The following SLCO5A1 variants were observed in gnomAD, a reference collection of about 807,000 sequenced individuals.
SLCO5A1 encodes solute carrier organic anion transporter family member 5A1.
A neutral mutation model predicts 65.1 loss-of-function variants in SLCO5A1; 39 were observed. That is an observed-to-expected ratio of 0.60 (90% confidence interval 0.46 to 0.78). The LOEUF is 0.78. Among genes scored for constraint, SLCO5A1 ranks in the 30% least tolerant of loss-of-function variants. The probability of loss-of-function intolerance (pLI) is 0.00; values close to 1 mark genes in which losing one functional copy is unlikely to be tolerated. For synonymous variants in SLCO5A1, 438 were observed against 415.7 expected, an observed-to-expected ratio of 1.05 and a Z score of -0.65; for missense variants, 1,029 against 1,069.4, an observed-to-expected ratio of 0.96 and a Z score of 0.53.
In SLCO5A1 at chr8:69,719,599, G is replaced by T. The variant is rs57513091; in HGVS notation, c.1424-14370C>A. The T allele has an allele frequency of 2.6e-5, 4 of 152,144 alleles. 1 individual carries two copies. In the East Asian group the frequency reaches 5.8e-4, roughly 22 times the overall value. The allele number at this position is 152,144 out of a possible 1,614,324, so 9.4% of individuals were successfully genotyped here. On this transcript the variant is annotated intron_variant, in intron 5 of 9. Transcript: ENST00000260126. Reference sequence around the variant, plus strand: ...TAAAAAGAATTTAAGTAGCCCCCCCGAAGTTAAAATTGGAAGAGAATATTA... The same window carrying T: ...TAAAAAGAATTTAAGTAGCCCCCCCTAAGTTAAAATTGGAAGAGAATATTA...
Position 69,673,015 on chromosome 8 carries a change from G to A in SLCO5A1, c.2401C>T (p.Gln801Ter), listed in dbSNP as rs374822545. 8.1e-6 allele frequency: 13 copies of A among 1,614,080 alleles called. No homozygotes were observed. Among genetic ancestry groups the A allele is most frequent in the Non-Finnish European group, 7.6e-6 (9 of 1,180,042 alleles). ...CCAGTCTCTTCGTGGAATTCTCCCT[G>A]GGTGCTGAAAGCTGGGCAAGATCTA... is the stretch of plus-strand genomic sequence containing the variant. Reference protein sequence around the residue: ...RTRSCPAFSTQGEFHEETGLQ... With the variant: ...RTRSCPAFST The change falls in exon 10 of 10, where the codon CAG becomes TAG. Residue 801 changes from glutamine to a stop codon, truncating the protein, a stop_gained. Coordinates refer to ENST00000260126, the MANE Select transcript of SLCO5A1 (RefSeq NM_030958.3). LOFTEE classifies it high-confidence loss of function.
intron 2 of SLCO5A1, among the ~76,000 whole-genome samples, chr8:69,818,949 C>T (rs1306366870): frequency 6.6e-6 from 1 of 152,150 alleles, no homozygotes; most frequent in Non-Finnish European, 1.5e-5. Flanking sequence ...ATCATTCAGC[C>T]TCATGTTAGT....
chr8:69,810,456 A>G (rs180961029), intron 2 of SLCO5A1, among the ~76,000 whole-genome samples: 287 of 152,314 alleles, frequency 1.9e-3, no homozygotes, highest in Admixed American at 3.6e-3. Context: ...TCCAGCTCCC[A>G]CAGTAAAGAC....
At position 69,803,043 on chromosome 8, in the gene SLCO5A1, T is replaced by A. The variant is rs370147770; in HGVS notation, c.907+28724A>T. 2.0e-5 allele frequency among the ~76,000 whole-genome samples: 3 copies of A among 152,268 alleles called. No individual in the cohort carries two copies. In the East Asian group the frequency reaches 5.8e-4, roughly 29 times the overall value. On this transcript the variant is annotated intron_variant, in intron 2 of 9. Coordinates refer to ENST00000260126, the MANE Select transcript of SLCO5A1 (RefSeq NM_030958.3). ...TCATGTTCTATAGAACATACAGTATTATTGGCTGGGCGCAGTGTCTCAAAG... is the reference window on the plus strand; with the variant it reads ...TCATGTTCTATAGAACATACAGTATAATTGGCTGGGCGCAGTGTCTCAAAG...
chr8:69,705,250 G>C (rs1250834876), intron 5 of SLCO5A1, 21 bp from the exon 6 acceptor site: 15 of 1,606,762 alleles, frequency 9.3e-6, no homozygotes, highest in Non-Finnish European at 1.2e-5. Flanking sequence ...GAGAAGGAGA[G>C]GATTAATTTG....
At chr8:69,814,616 A>G (rs1385848776) in intron 2 of SLCO5A1, among the ~76,000 whole-genome samples, 1 of 152,202 alleles carries the variant, frequency 6.6e-6, no homozygotes, top group African/African-American at 2.4e-5. Context: ...AAGAACTAAA[A>G]ATAGAATTAC....
chr8:69,794,421 A>C (rs1819400533), intron 2 of SLCO5A1: 1 of 451,188 alleles, frequency 2.2e-6, no homozygotes, highest in African/African-American at 2.0e-5. Flanking sequence ...CCAAGGACTA[A>C]GAAGGACTTC....
At chr8:69,696,923 G>C (rs1212199459) in intron 6 of SLCO5A1, among the ~76,000 whole-genome samples, 1 of 151,990 alleles carries the variant, frequency 6.6e-6, no homozygotes, top group Non-Finnish European at 1.5e-5. Flanking sequence ...TGTACATAAA[G>C]ATAGAAAACA....
At chr8:69,783,122 ATTG>A (rs551426346) in intron 2 of SLCO5A1, among the ~76,000 whole-genome samples, 1 of 152,174 alleles carries the variant, frequency 6.6e-6, no homozygotes, top group Non-Finnish European at 1.5e-5. Flanking sequence ...AATGATCATT[ATTG>A]TTACTTCTAT....
intron 2 of SLCO5A1, among the ~76,000 whole-genome samples, chr8:69,766,083 G>A (rs1303462961): frequency 6.6e-6 from 1 of 152,178 alleles, no homozygotes; most frequent in Non-Finnish European, 1.5e-5. Flanking sequence ...AGTAAATCCT[G>A]TTGGTTCTCC....
intron 5 of SLCO5A1, among the ~76,000 whole-genome samples, chr8:69,718,785 C>T (rs74474709): frequency 0.11 from 16,140 of 152,204 alleles, 1,164 homozygotes; most frequent in Middle Eastern, 0.18. Flanking sequence ...AATTCCTGCC[C>T]AGATTGAGTT....
At chr8:69,738,717 T>C (rs114141197) in intron 4 of SLCO5A1, among the ~76,000 whole-genome samples, 3,114 of 152,246 alleles carry the variant, frequency 0.02, 99 homozygotes, top group African/African-American at 0.071. Flanking sequence ...CAGGAAATAG[T>C]CACAGTTTAA....
intron 2 of SLCO5A1, among the ~76,000 whole-genome samples, chr8:69,811,466 G>A (rs747302093): frequency 5.3e-5 from 8 of 152,152 alleles, no homozygotes; most frequent in Non-Finnish European, 1.0e-4. Context: ...CATCGCTATG[G>A]GGAATGGGGT....
chr8:69,826,168 A>G (rs1307967588), intron 2 of SLCO5A1, among the ~76,000 whole-genome samples: 2 of 152,218 alleles, frequency 1.3e-5, no homozygotes, highest in Non-Finnish European at 2.9e-5. Flanking sequence ...ACCTAAAACC[A>G]TAAAAACCCT....
intron 2 of SLCO5A1, among the ~76,000 whole-genome samples, chr8:69,768,970 C>T (rs928213925): frequency 2.0e-5 from 3 of 152,206 alleles, no homozygotes; most frequent in African/African-American, 7.2e-5. Flanking sequence ...CCTGACTGTG[C>T]TTCCACCCCG....
chr8:69,720,509 C>G (rs1232435913), intron 5 of SLCO5A1, among the ~76,000 whole-genome samples: 2 of 152,208 alleles, frequency 1.3e-5, no homozygotes, highest in East Asian at 3.8e-4. Flanking sequence ...AGGAGAGTAG[C>G]TAACATCTTA....
At chr8:69,761,268 G>T in intron 3 of SLCO5A1, 1 of 164,048 alleles carries the variant, frequency 6.1e-6, no homozygotes, top group Non-Finnish European at 1.3e-5. Context: ...CACAGTTCTG[G>T]AGGTCAGAAG....
intron 5 of SLCO5A1, among the ~76,000 whole-genome samples, chr8:69,733,421 A>C (rs777889165): frequency 1.3e-5 from 2 of 152,206 alleles, no homozygotes; most frequent in South Asian, 4.1e-4. Context: ...CTCCAGTTTC[A>C]GCTGAAATTT....
At position 69,670,585 on chromosome 8, in the gene SLCO5A1, A is replaced by G. The variant is rs1462792790; in HGVS notation, c.*2284T>C. ...GCCCATTTCTTTGAGTTCTGGCCCAATCATCCCAAAGGATTTTATGGAGTG... is the reference window on the plus strand; with the variant it reads ...GCCCATTTCTTTGAGTTCTGGCCCAGTCATCCCAAAGGATTTTATGGAGTG... On this transcript the variant is annotated 3_prime_UTR_variant, in exon 10 of 10. Coordinates refer to ENST00000260126, the MANE Select transcript of SLCO5A1 (RefSeq NM_030958.3). 2 of 152,212 alleles carry G rather than the reference A, an allele frequency of 1.3e-5. No homozygotes were observed. Among genetic ancestry groups the G allele is most frequent in the African/African-American group, 2.4e-5 (1 of 41,446 alleles). 9.4% of individuals were successfully genotyped at this position (152,212 alleles called of 1,614,324 possible).
Sources: allele counts gnomAD v4.1 joint callset (sites outside exome capture counted in the v4.1 genomes callset), GRCh38; gene constraint gnomAD v4.1.1; transcripts MANE v1.5; gene names NCBI Gene and HGNC (gene_info 2026-07-23, HGNC 2026-07-21).